The following DTNB variants were observed in gnomAD, a reference collection of about 807,000 sequenced individuals.
DTNB encodes the protein DTN-B.
Under a neutral mutation model 90.7 loss-of-function variants are expected in DTNB, and 63 were observed. The ratio of observed to expected loss-of-function variants is 0.69; its 90% CI spans 0.57 to 0.86. The LOEUF (loss-of-function observed/expected upper bound fraction) is 0.86. Ranked by LOEUF, DTNB falls within the 40% of genes least tolerant of loss-of-function variation. DTNB has a pLI of 0.00. For missense variants in DTNB, 744 were observed against 807.1 expected (o/e 0.92, Z 0.95); for synonymous variants, 277 against 286.7 (o/e 0.97, Z 0.34).
intron 9 of DTNB, among the ~76,000 whole-genome samples, chr2:25,523,257 ACT>A (rs1443210299): frequency 6.6e-5 from 10 of 152,196 alleles, no homozygotes; most frequent in Non-Finnish European, 1.2e-4. Flanking sequence ...CTATGTGAAC[ACT>A]GTTAGCACCT....
chr2:25,526,403 T>G (rs1385767122), intron 9 of DTNB, among the ~76,000 whole-genome samples: 4 of 120,234 alleles, frequency 3.3e-5, no homozygotes, highest in Non-Finnish European at 6.7e-5. Flanking sequence ...ATATTTTTTT[T>G]TTTTTAATTG....
chr2:25,389,113 GC>G (rs2040380555), intron 16 of DTNB, among the ~76,000 whole-genome samples: 2 of 152,194 alleles, frequency 1.3e-5, no homozygotes, highest in South Asian at 4.1e-4. Flanking sequence ...CTCCCAAAGT[GC>G]TAGGATTACA....
At position 25,558,194 on chromosome 2, in the gene DTNB, C is replaced by T. The variant is rs907114372; in HGVS notation, c.876+18644G>A. 2.0e-5 allele frequency: 20 copies of T among 984,536 alleles called. No individual in the cohort carries two copies. The African/African-American group carries it at 3.5e-4, about 17-fold the overall frequency. The allele number at this position is 984,536 out of a possible 1,614,324, so 61.0% of individuals were successfully genotyped here. ...AAATGAAGATATACAACATATAACACACATGGATTAAATTTATTTAGAGAA... is the reference window on the plus strand; with the variant it reads ...AAATGAAGATATACAACATATAACATACATGGATTAAATTTATTTAGAGAA... On this transcript the variant is annotated intron_variant, in intron 8 of 20. Coordinates refer to ENST00000406818, the MANE Select transcript of DTNB (RefSeq NM_021907.5).
intron 6 of DTNB, among the ~76,000 whole-genome samples, chr2:25,585,843 T>G (rs1434223020): frequency 6.6e-6 from 1 of 152,238 alleles, no homozygotes; most frequent in Non-Finnish European, 1.5e-5. Flanking sequence ...CAAACATACA[T>G]TAATCAGAGT....
At chr2:25,647,880 G>GA (rs1322148688) in intron 2 of DTNB, among the ~76,000 whole-genome samples, 4 of 150,006 alleles carry the variant, frequency 2.7e-5, no homozygotes, top group Admixed American at 1.3e-4. Context: ...GCTTACATAA[G>GA]AAAAAAAAGG....
chr2:25,576,197 G>C (rs116418493), intron 8 of DTNB, among the ~76,000 whole-genome samples: 9 of 151,540 alleles, frequency 5.9e-5, no homozygotes, highest in South Asian at 2.1e-4. Context: ...AGCATGGGGG[G>C]GCGGAATCCC....
At chr2:25,625,551 A>ATTTTTTTTTTTTTTTTTTTT (rs66586812) in intron 4 of DTNB, among the ~76,000 whole-genome samples, 2 of 73,946 alleles carry the variant, frequency 2.7e-5, no homozygotes, top group Non-Finnish European at 5.0e-5. Context: ...TAACTCACTC[A>ATTTTTTTTTTTTTTTTTTTT]TTTTTTTTTT....
At chr2:25,501,852 C>A (rs929583466) in intron 9 of DTNB, among the ~76,000 whole-genome samples, 14 of 151,980 alleles carry the variant, frequency 9.2e-5, no homozygotes, top group African/African-American at 3.4e-4. Context: ...AGCTTATATA[C>A]AGACAGGTTA....
chr2:25,570,167 C>T (rs908448774), intron 8 of DTNB, among the ~76,000 whole-genome samples: 2 of 150,512 alleles, frequency 1.3e-5, no homozygotes, highest in Non-Finnish European at 3.0e-5. Context: ...AATCCCAGCA[C>T]AGGAAGGTAG....
chr2:25,388,608 A>G, intron 16 of DTNB: 1 of 489,170 alleles, frequency 2.0e-6, no homozygotes, highest in Non-Finnish European at 3.6e-6. Flanking sequence ...AATGGGAGGG[A>G]AAGAAGAGGC....
At position 25,593,835 on chromosome 2, in the gene DTNB, C is replaced by A. The variant is rs1362690047; in HGVS notation, c.603+2251G>T. 4.6e-5 allele frequency among the ~76,000 whole-genome samples: 7 copies of A among 152,278 alleles called. No individual in the cohort carries two copies. The East Asian group carries it at 1.3e-3, about 29-fold the overall frequency. On this transcript the variant is annotated intron_variant, in intron 6 of 20. Coordinates refer to ENST00000406818, the MANE Select transcript of DTNB (RefSeq NM_021907.5). Reference sequence around the variant, plus strand: ...GTTTATACCCCACATAACTGTCATCCATTTCTCAGTGTTCATCACTGAGAG... The same window carrying A: ...GTTTATACCCCACATAACTGTCATCAATTTCTCAGTGTTCATCACTGAGAG...
rs555134706 is a variant in DTNB at position 25,550,053 on chromosome 2, T to C, written c.877-18456A>G. On this transcript the variant is annotated intron_variant, in intron 8 of 20. Transcript: ENST00000406818. ...CTGCTGAAAGCTAGTATGGATGGGA[T>C]AGAATTTTAGTTCAGAGTTACTTCT... Among the ~76,000 whole-genome samples, 7 of 152,194 alleles carry C rather than the reference T, an allele frequency of 4.6e-5. No homozygotes were observed. In the South Asian group the frequency reaches 8.3e-4, roughly 18 times the overall value.
At chr2:25,468,858 A>ATATAAGCT (rs2062267059) in intron 10 of DTNB, among the ~76,000 whole-genome samples, 1 of 152,214 alleles carries the variant, frequency 6.6e-6, no homozygotes, top group Non-Finnish European at 1.5e-5. Context: ...TATCCTACAA[A>ATATAAGCT]TATAAGCTAT....
rs1171476267 is a variant in DTNB, at chr2:25,625,894, GA to G, written c.362+2276del. Among the ~76,000 whole-genome samples the G allele has an allele frequency of 2.6e-5, 4 of 152,130 alleles. No homozygotes were observed. In the East Asian group the frequency reaches 7.7e-4, roughly 29 times the overall value. On this transcript the variant is annotated intron_variant, in intron 4 of 20. Coordinates refer to ENST00000406818, the MANE Select transcript of DTNB (RefSeq NM_021907.5). ...AATTAGGTCACGAGGGGGTCCTCATGAACGGGATTAGTGCCCTTATAAAAGA... is the reference window on the plus strand; with the variant it reads ...AATTAGGTCACGAGGGGGTCCTCATGACGGGATTAGTGCCCTTATAAAAGA...
At chr2:25,569,894 T>C (rs55828579) in intron 8 of DTNB, among the ~76,000 whole-genome samples, 10,292 of 151,600 alleles carry the variant, frequency 0.068, 1,127 homozygotes, top group African/African-American at 0.23. Flanking sequence ...GTCAGGAGTT[T>C]GAGACCAGCC....
chr2:25,432,331 T>A (rs2054179033), intron 14 of DTNB, among the ~76,000 whole-genome samples: 1 of 151,774 alleles, frequency 6.6e-6, no homozygotes, highest in South Asian at 2.1e-4. Flanking sequence ...CAAAACACCA[T>A]CAAACATGGT....
At chr2:25,381,646 G>A (rs1351998255) in intron 19 of DTNB, among the ~76,000 whole-genome samples, 1 of 152,208 alleles carries the variant, frequency 6.6e-6, no homozygotes, top group Non-Finnish European at 1.5e-5. Context: ...AAAGTGCTGG[G>A]ATTACAGGTG....
At chr2:25,604,117 G>A (rs537153519) in intron 5 of DTNB, among the ~76,000 whole-genome samples, 1 of 152,202 alleles carries the variant, frequency 6.6e-6, no homozygotes, top group Non-Finnish European at 1.5e-5. Flanking sequence ...GATTTCCAGA[G>A]AGTGGAGCAC....
At chr2:25,482,660 G>A (rs1158478736) in intron 10 of DTNB, 136 bp downstream of exon 10, 13 of 820,130 alleles carry the variant, frequency 1.6e-5, no homozygotes, top group East Asian at 2.6e-5. Context: ...ACTAAAAGAC[G>A]GTCAAAGGAA....
Sources: gnomAD v4.1 joint callset for allele counts (sites outside exome capture counted in the v4.1 genomes callset) on GRCh38, gnomAD v4.1.1 for gene constraint, MANE v1.5 for transcripts, NCBI Gene and HGNC (gene_info 2026-07-23, HGNC 2026-07-21) for gene names.